PLB1: variants seen among roughly 807,000 people sequenced by gnomAD.
PLB1 encodes phospholipase B1, also known as phospholipase B1, membrane-associated.
A neutral mutation model predicts 227.4 loss-of-function variants in PLB1; 242 were observed. The ratio of observed to expected loss-of-function variants is 1.06; its 90% CI spans 0.96 to 1.18. The LOEUF (loss-of-function observed/expected upper bound fraction) is 1.18. Ranked by LOEUF, PLB1 falls within the 50% of genes most tolerant of loss-of-function variation. The probability of loss-of-function intolerance (pLI) is 0.00; values close to 1 mark genes in which losing one functional copy is unlikely to be tolerated. For synonymous variants in PLB1, 757 were observed against 682.2 expected (o/e 1.11, Z -1.71); for missense variants, 1,858 against 1,816.3 (o/e 1.02, Z -0.42).
Position 28,641,976 on chromosome 2 carries a change from C to A in PLB1, c.4174-882C>A, listed in dbSNP as rs531878402. 3.9e-5 allele frequency among the ~76,000 whole-genome samples: 6 copies of A among 152,214 alleles called. No individual in the cohort carries two copies. In the East Asian group the frequency reaches 5.8e-4, roughly 15 times the overall value. Reference sequence around the variant, plus strand: ...GCACTCCTGGCCGGTGGATCCATCTCCCAGGAAGCCCCACGACTGCCCGCA... The same window carrying A: ...GCACTCCTGGCCGGTGGATCCATCTACCAGGAAGCCCCACGACTGCCCGCA... On this transcript the variant is annotated intron_variant, in intron 57 of 57. Coordinates refer to ENST00000327757, the MANE Select transcript of PLB1 (RefSeq NM_153021.5).
intron 21 of PLB1, among the ~76,000 whole-genome samples, chr2:28,574,713 T>C (rs766693013): frequency 1.7e-4 from 26 of 152,066 alleles, no homozygotes; most frequent in Non-Finnish European, 3.4e-4. Flanking sequence ...ATCATTCTTA[T>C]GCCTTTGCGT....
chr2:28,621,850 T>G (rs1201347174), intron 49 of PLB1, among the ~76,000 whole-genome samples: 1 of 145,884 alleles, frequency 6.9e-6, no homozygotes, highest in Non-Finnish European at 1.5e-5. Context: ...ATCTAATTAC[T>G]GTTATTATTG....
intron 9 of PLB1, among the ~76,000 whole-genome samples, chr2:28,535,675 C>A (rs186829788): frequency 1.0e-3 from 156 of 152,332 alleles, no homozygotes; most frequent in Non-Finnish European, 2.0e-3. Context: ...AATCTCAGAA[C>A]TTTGGGAGGC....
intron 32 of PLB1, among the ~76,000 whole-genome samples, chr2:28,593,474 A>T (rs902524537): frequency 6.6e-6 from 1 of 152,208 alleles, no homozygotes; most frequent in African/African-American, 2.4e-5. Flanking sequence ...GCGTGTCCTC[A>T]GCTCAGCGAG....
chr2:28,566,539 A>G (rs1573011651), intron 19 of PLB1: 1 of 493,052 alleles, frequency 2.0e-6, no homozygotes, highest in Non-Finnish European at 3.7e-6. Flanking sequence ...GAACCAACCT[A>G]CCTCCCCTTC....
intron 20 of PLB1, among the ~76,000 whole-genome samples, chr2:28,567,367 A>G (rs1677148074): frequency 6.6e-6 from 1 of 151,324 alleles, no homozygotes; most frequent in African/African-American, 2.4e-5. Flanking sequence ...CCGCAGGAGG[A>G]GATGAAGTTA....
rs1668909934 is a variant in PLB1, at chr2:28,516,873, A to G, written c.117+4A>G. ...GGAAGGGCAGCTATGGCCAGAGGTA[A>G]GGGCTTTGGCTGGTGGGAGGTGCGT... is the stretch of plus-strand genomic sequence containing the variant. On this transcript the variant is annotated splice_donor_region_variant and intron_variant, in intron 2 of 57. Coordinates refer to ENST00000327757, the MANE Select transcript of PLB1 (RefSeq NM_153021.5). The G allele has an allele frequency of 6.2e-7, 1 of 1,613,382 alleles. No homozygotes were observed. The highest frequency in any genetic ancestry group is 1.7e-5 in the Admixed American group (1 of 60,020).
intron 56 of PLB1, among the ~76,000 whole-genome samples, chr2:28,636,035 G>GTGTATGAA (rs761372686): frequency 0.058 from 8,824 of 151,500 alleles, 359 homozygotes; most frequent in Non-Finnish European, 0.091. Flanking sequence ...GTGTATGTGT[G>GTGTATGAA]TGTGTGTATG....
At chr2:28,519,832 G>A (rs537919710) in intron 4 of PLB1, 69 bp downstream of exon 4, 1 of 1,270,678 alleles carries the variant, frequency 7.9e-7, no homozygotes, top group African/African-American at 1.5e-5. Flanking sequence ...ATGGGCTCCT[G>A]GTAACTGGGC....
At chr2:28,618,279 G>A (rs1686473604) in intron 45 of PLB1, 62 bp from the exon 46 acceptor site, 9 of 1,416,256 alleles carry the variant, frequency 6.4e-6, no homozygotes, top group Middle Eastern at 1.8e-4. Context: ...CTGGTAAAAT[G>A]TGTACTTTAA....
chr2:28,627,339 G>A (rs961463586), intron 51 of PLB1, among the ~76,000 whole-genome samples: 9 of 152,080 alleles, frequency 5.9e-5, no homozygotes, highest in Admixed American at 3.3e-4. Context: ...TCTGGACTCC[G>A]GGGATACCTG....
chr2:28,582,467 C>A lies in PLB1; in HGVS notation c.1695C>A (p.Tyr565Ter). The change falls in exon 25 of 58, where the codon TAC becomes TAA. Residue 565 changes from tyrosine (Y) to a stop codon, truncating the protein, a stop_gained. Coordinates refer to ENST00000327757, the MANE Select transcript of PLB1 (RefSeq NM_153021.5). LOFTEE classifies it high-confidence loss of function. ...AGATCGTCAACCTGAGGGAGCTGTA[C>A]CAGGAGAAAAAAGTCTACTGCCCAA... Reference protein sequence around the residue: ...VLEIVNLRELYQEKKVYCPRM... With the variant: ...VLEIVNLREL 6.2e-7 allele frequency: 1 copy of A among 1,612,486 alleles called. No homozygotes were observed. The highest frequency in any genetic ancestry group is 1.3e-5 in the African/African-American group (1 of 74,982).
intron 47 of PLB1, 87 bp from the exon 48 acceptor site, chr2:28,620,513 C>CCCGGTT (rs1225657221): frequency 1.1e-5 from 16 of 1,507,094 alleles, no homozygotes; most frequent in African/African-American, 1.4e-5. Context: ...GGGCCCAGAA[C>CCCGGTT]CCGGTTCCGG....
intron 17 of PLB1, among the ~76,000 whole-genome samples, chr2:28,557,190 C>T (rs975889081): frequency 6.6e-6 from 1 of 152,092 alleles, no homozygotes; most frequent in African/African-American, 2.4e-5. Context: ...TGTTTCCCTG[C>T]CCTTTGGTTT....
At chr2:28,578,380 C>T (rs900222064) in intron 22 of PLB1, among the ~76,000 whole-genome samples, 36 of 152,170 alleles carry the variant, frequency 2.4e-4, no homozygotes, top group African/African-American at 8.2e-4. Context: ...GCTGCAGATG[C>T]ACAAAAGAAT....
intron 4 of PLB1, among the ~76,000 whole-genome samples, chr2:28,521,307 T>C (rs1669503152): frequency 6.6e-6 from 1 of 152,262 alleles, no homozygotes; most frequent in South Asian, 2.1e-4. Context: ...GTGGGATTGC[T>C]GGACCATATA....
intron 17 of PLB1, 33 bp downstream of exon 17, chr2:28,553,024 C>A: frequency 1.3e-6 from 2 of 1,581,164 alleles, no homozygotes; most frequent in South Asian, 1.1e-5. Context: ...TTTTAAAATT[C>A]ATTCGAGGCC....
At chr2:28,566,736 AGGGTCTCGGC>A in intron 19 of PLB1, 50 bp from the exon 20 acceptor site, 1 of 1,587,390 alleles carries the variant, frequency 6.3e-7, no homozygotes, top group Non-Finnish European at 8.7e-7. Flanking sequence ...TAGTGTCTGA[AGGGTCTCGGC>A]GTGGCTGGGA....
At chr2:28,624,945 T>C (rs1450098668) in intron 49 of PLB1, 112 bp from the exon 50 acceptor site, 2 of 992,584 alleles carry the variant, frequency 2.0e-6, no homozygotes, top group Non-Finnish European at 3.2e-6. Flanking sequence ...ATGACCTTTG[T>C]ACTGGTAACA....
Sources: allele counts gnomAD v4.1 joint callset (sites outside exome capture counted in the v4.1 genomes callset), GRCh38; gene constraint gnomAD v4.1.1; transcripts MANE v1.5; gene names NCBI Gene and HGNC (gene_info 2026-07-23, HGNC 2026-07-21).